Variants in SFMBT2 observed in about 807,000 individuals in gnomAD.
The protein encoded by SFMBT2 is scm-like with four MBT domains protein 2.
SFMBT2 carries 38 observed loss-of-function variants against 110.1 expected under a neutral mutation model. That is an observed-to-expected ratio of 0.35 (90% confidence interval 0.27 to 0.45). The LOEUF (loss-of-function observed/expected upper bound fraction) is 0.45, where lower values mean the gene tolerates loss of function less well. Among genes scored for constraint, SFMBT2 ranks in the 20% least tolerant of loss-of-function variants. SFMBT2 has a pLI of 1.00. For synonymous variants in SFMBT2, 425 were observed against 425.4 expected (o/e 1.00, Z 0.01); for missense variants, 1,011 against 1,094.9 (o/e 0.92, Z 1.08).
intron 20 of SFMBT2, among the ~76,000 whole-genome samples, chr10:7,168,243 T>C (rs1364712623): frequency 6.6e-6 from 1 of 152,230 alleles, no homozygotes; most frequent in Non-Finnish European, 1.5e-5. Context: ...ACCAGCTTTG[T>C]TTCACTTTCT....
intron 4 of SFMBT2, among the ~76,000 whole-genome samples, chr10:7,337,849 C>A (rs969357474): frequency 5.9e-5 from 9 of 152,304 alleles, no homozygotes; most frequent in Admixed American, 2.0e-4. Context: ...AACACTTGGA[C>A]CACAATGAGT....
At chr10:7,366,099 C>G (rs1428112068) in intron 4 of SFMBT2, among the ~76,000 whole-genome samples, 1 of 152,062 alleles carries the variant, frequency 6.6e-6, no homozygotes, top group Non-Finnish European at 1.5e-5. Context: ...AACCTTGGTG[C>G]AGGTGGAAGA....
intron 16 of SFMBT2, among the ~76,000 whole-genome samples, chr10:7,186,866 G>C (rs1838430518): frequency 6.6e-6 from 1 of 152,250 alleles, no homozygotes; most frequent in African/African-American, 2.4e-5. Context: ...GCTGCTTTGA[G>C]ACGCTGCTAT....
intron 7 of SFMBT2, among the ~76,000 whole-genome samples, chr10:7,266,369 C>A (rs560633806): frequency 6.6e-6 from 1 of 152,208 alleles, no homozygotes; most frequent in Non-Finnish European, 1.5e-5. Context: ...GGATTACAGG[C>A]ATGAGCCACC....
At chr10:7,206,395 T>C in intron 11 of SFMBT2, 1 of 985,382 alleles carries the variant, frequency 1.0e-6, no homozygotes, top group Non-Finnish European at 1.2e-6. Context: ...AAAGGCAACC[T>C]TCAATGAAAG....
chr10:7,359,211 G>A (rs1307945675), intron 4 of SFMBT2, among the ~76,000 whole-genome samples: 1 of 152,222 alleles, frequency 6.6e-6, no homozygotes, highest in African/African-American at 2.4e-5. Flanking sequence ...TGAAACCCAA[G>A]GATCATTCAG....
chr10:7,306,938 AC>A (rs1253894693), intron 4 of SFMBT2, among the ~76,000 whole-genome samples: 1 of 152,230 alleles, frequency 6.6e-6, no homozygotes, highest in Non-Finnish European at 1.5e-5. Context: ...AGCTAAAATT[AC>A]CAAGCCACCA....
chr10:7,340,275 T>C (rs1843850188), intron 4 of SFMBT2, among the ~76,000 whole-genome samples: 1 of 152,090 alleles, frequency 6.6e-6, no homozygotes, highest in African/African-American at 2.4e-5. Context: ...CATCCTCTCA[T>C]CTTCATGCTG....
At chr10:7,360,274 C>T (rs1764994136) in intron 4 of SFMBT2, among the ~76,000 whole-genome samples, 1 of 152,144 alleles carries the variant, frequency 6.6e-6, no homozygotes, top group Non-Finnish European at 1.5e-5. Context: ...TCGAGACTAG[C>T]CTGGGCAACA....
intron 9 of SFMBT2, among the ~76,000 whole-genome samples, chr10:7,236,691 T>C (rs1379814072): frequency 4.7e-5 from 1 of 21,320 alleles, no homozygotes; most frequent in Non-Finnish European, 1.1e-4. Flanking sequence ...AAAGTAAAAC[T>C]GCAAGTTTTA....
chr10:7,224,384 C>A (rs1310022829), intron 10 of SFMBT2, among the ~76,000 whole-genome samples: 1 of 152,150 alleles, frequency 6.6e-6, no homozygotes. Flanking sequence ...TCTGGGGTTC[C>A]CGATCCTGGC....
chr10:7,326,263 C>T (rs966149957), intron 4 of SFMBT2, among the ~76,000 whole-genome samples: 1 of 152,240 alleles, frequency 6.6e-6, no homozygotes, highest in African/African-American at 2.4e-5. Flanking sequence ...AGGTTCCAAG[C>T]TCCATTCACT....
chr10:7,221,464 G>A (rs1839734775), intron 10 of SFMBT2, among the ~76,000 whole-genome samples: 1 of 151,936 alleles, frequency 6.6e-6, no homozygotes, highest in Non-Finnish European at 1.5e-5. Context: ...TACTCGGGAG[G>A]CTGAGGCAAG....
In SFMBT2 at chr10:7,181,184, A is replaced by G. The variant is rs151260861; in HGVS notation, c.1809-5019T>C. Reference sequence around the variant, plus strand: ...AACCCAGGAGGCGGGGGTTGCAGTTAGCCGAGATTGTGCCACTGCATTCCA... The same window carrying G: ...AACCCAGGAGGCGGGGGTTGCAGTTGGCCGAGATTGTGCCACTGCATTCCA... On this transcript the variant is annotated intron_variant, in intron 16 of 20. Transcript: ENST00000397167. Among the ~76,000 whole-genome samples the G allele has an allele frequency of 1.2e-3, 177 of 151,306 alleles. 1 individual carries two copies. Among genetic ancestry groups the G allele is most frequent in the African/African-American group, 4.2e-3 (173 of 41,108 alleles).
chr10:7,166,928 T>C (rs780721764), intron 20 of SFMBT2, among the ~76,000 whole-genome samples: 1 of 152,228 alleles, frequency 6.6e-6, no homozygotes, highest in Non-Finnish European at 1.5e-5. Flanking sequence ...GGTGGTTTGA[T>C]TTTTATAAAC....
chr10:7,390,202 T>C (rs1399270506), intron 1 of SFMBT2, among the ~76,000 whole-genome samples: 1 of 152,136 alleles, frequency 6.6e-6, no homozygotes, highest in Non-Finnish European at 1.5e-5. Context: ...TGAATTGAAC[T>C]AGGCACATGT....
At chr10:7,375,504 T>C (rs980423714) in intron 2 of SFMBT2, among the ~76,000 whole-genome samples, 18 of 152,044 alleles carry the variant, frequency 1.2e-4, no homozygotes, top group Non-Finnish European at 2.2e-4. Flanking sequence ...ACATTAAGTC[T>C]TTCTTCTTGT....
At chr10:7,210,795 C>A (rs556801568) in intron 11 of SFMBT2, among the ~76,000 whole-genome samples, 1 of 152,132 alleles carries the variant, frequency 6.6e-6, no homozygotes, top group Non-Finnish European at 1.5e-5. Context: ...GCTCTGGAGC[C>A]GAAGGCCTGG....
chr10:7,384,396 T>C (rs1845525630), intron 1 of SFMBT2, among the ~76,000 whole-genome samples: 2 of 151,864 alleles, frequency 1.3e-5, no homozygotes, highest in Admixed American at 1.3e-4. Context: ...TGTAAGAAAA[T>C]ACGGTATCTA....
Sources: gnomAD v4.1 joint callset for allele counts (sites outside exome capture counted in the v4.1 genomes callset) on GRCh38, gnomAD v4.1.1 for gene constraint, MANE v1.5 for transcripts, NCBI Gene and HGNC (gene_info 2026-07-23, HGNC 2026-07-21) for gene names.